Variants in CNTNAP2 observed in about 807,000 individuals in gnomAD.
CNTNAP2 encodes contactin associated protein 2.
A neutral mutation model predicts 155.2 loss-of-function variants in CNTNAP2; 98 were observed. The observed-to-expected ratio is 0.63, with a 90% CI of 0.54 to 0.75. The LOEUF (loss-of-function observed/expected upper bound fraction) is 0.75, where lower values mean the gene tolerates loss of function less well. CNTNAP2 is among the 30% of genes least tolerant of loss of function. The pLI, the probability that CNTNAP2 is intolerant of heterozygous loss-of-function variation, is 0.00. For synonymous variants in CNTNAP2, 651 were observed against 631.2 expected, an observed-to-expected ratio of 1.03 and a Z score of -0.47; for missense variants, 1,727 against 1,688.1, an observed-to-expected ratio of 1.02 and a Z score of -0.40.
At chr7:146,417,399 G>T (rs1417856597) in intron 1 of CNTNAP2, among the ~76,000 whole-genome samples, 1 of 152,092 alleles carries the variant, frequency 6.6e-6, no homozygotes, top group South Asian at 2.1e-4. Context: ...TCATAGATTT[G>T]CATGCTAAGT....
intron 4 of CNTNAP2, among the ~76,000 whole-genome samples, chr7:147,091,082 A>G (rs1800393729): frequency 6.6e-6 from 1 of 152,060 alleles, no homozygotes; most frequent in South Asian, 2.1e-4. Context: ...CTCATGACCC[A>G]AGAAGTATGT....
chr7:146,689,116 A>G (rs781558784), intron 1 of CNTNAP2, among the ~76,000 whole-genome samples: 48 of 152,238 alleles, frequency 3.2e-4, no homozygotes, highest in Admixed American at 1.4e-3. Context: ...ACAGTTATAT[A>G]TACTTTACTA....
chr7:148,058,328 C>T (rs1308833788), intron 15 of CNTNAP2, among the ~76,000 whole-genome samples: 2 of 152,164 alleles, frequency 1.3e-5, no homozygotes, highest in Non-Finnish European at 1.5e-5. Flanking sequence ...CCAGCAGCAT[C>T]TGTTTATGCC....
intron 9 of CNTNAP2, among the ~76,000 whole-genome samples, chr7:147,310,669 G>A (rs1367561576): frequency 1.3e-5 from 2 of 152,050 alleles, no homozygotes; most frequent in Non-Finnish European, 2.9e-5. Flanking sequence ...ATTTTATTGT[G>A]CTTTAACAAA....
intron 3 of CNTNAP2, among the ~76,000 whole-genome samples, chr7:147,008,708 A>G (rs1382724116): frequency 6.6e-6 from 1 of 152,130 alleles, no homozygotes; most frequent in Non-Finnish European, 1.5e-5. Flanking sequence ...AAAGAAAAGG[A>G]CTTTGAACCT....
intron 13 of CNTNAP2, among the ~76,000 whole-genome samples, chr7:147,857,458 A>G (rs950158169): frequency 1.3e-5 from 2 of 152,214 alleles, no homozygotes; most frequent in Non-Finnish European, 2.9e-5. Context: ...TGCACTTCTT[A>G]TAAAGCTAGT....
intron 11 of CNTNAP2, among the ~76,000 whole-genome samples, 185 bp downstream of exon 11, chr7:147,486,226 AT>A (rs1798509318): frequency 6.6e-6 from 1 of 152,200 alleles, no homozygotes; most frequent in African/African-American, 2.4e-5. Context: ...ACTTGTTAAA[AT>A]ATGTTCTCTG....
chr7:147,902,787 T>C, intron 13 of CNTNAP2, among the ~76,000 whole-genome samples: 1 of 132,486 alleles, frequency 7.5e-6, no homozygotes, highest in Non-Finnish European at 1.6e-5. Flanking sequence ...TTTGTGTGTG[T>C]GTGTGTGTGT....
At chr7:146,154,085 A>T (rs1379514321) in intron 1 of CNTNAP2, among the ~76,000 whole-genome samples, 1 of 152,136 alleles carries the variant, frequency 6.6e-6, no homozygotes, top group Admixed American at 6.6e-5. Context: ...TGAGTACAGT[A>T]CATTAGTTTA....
chr7:147,119,016 A>G (rs1235343636), intron 5 of CNTNAP2, among the ~76,000 whole-genome samples: 1 of 152,178 alleles, frequency 6.6e-6, no homozygotes, highest in Non-Finnish European at 1.5e-5. Flanking sequence ...TTTTAAAACA[A>G]GACCCAATAG....
At chr7:147,704,813 G>A (rs1796286737) in intron 13 of CNTNAP2, among the ~76,000 whole-genome samples, 1 of 152,098 alleles carries the variant, frequency 6.6e-6, no homozygotes, top group Non-Finnish European at 1.5e-5. Context: ...TTGATAGGTT[G>A]TGTCCAGAAT....
At chr7:146,384,787 C>T (rs1002149878) in intron 1 of CNTNAP2, among the ~76,000 whole-genome samples, 1 of 152,074 alleles carries the variant, frequency 6.6e-6, no homozygotes, top group Admixed American at 6.5e-5. Flanking sequence ...TGCCTTTTGT[C>T]TTCTGAAAGG....
chr7:147,294,515 A>G (rs2692187), intron 8 of CNTNAP2, among the ~76,000 whole-genome samples: 71,003 of 151,958 alleles, frequency 0.47, 17,230 homozygotes, highest in East Asian at 0.76. Flanking sequence ...TTAACAAAGG[A>G]CTGGCTAAGA....
At chr7:147,130,060 T>C (rs1296328562) in intron 7 of CNTNAP2, among the ~76,000 whole-genome samples, 1 of 152,078 alleles carries the variant, frequency 6.6e-6, no homozygotes, top group Non-Finnish European at 1.5e-5. Flanking sequence ...CGATTTAACA[T>C]GGAAAAAATA....
intron 21 of CNTNAP2, among the ~76,000 whole-genome samples, chr7:148,357,126 T>C (rs890950353): frequency 2.0e-5 from 3 of 152,138 alleles, no homozygotes; most frequent in Admixed American, 6.5e-5. Context: ...AATTCCCACA[T>C]GTCATGGGAG....
At chr7:146,120,677 A>T (rs1797548684) in intron 1 of CNTNAP2, among the ~76,000 whole-genome samples, 1 of 152,174 alleles carries the variant, frequency 6.6e-6, no homozygotes, top group Admixed American at 6.5e-5. Flanking sequence ...GAGCTGTCAT[A>T]TATAGGTGTG....
intron 18 of CNTNAP2, among the ~76,000 whole-genome samples, chr7:148,215,390 G>GT (rs1287314015): frequency 2.0e-5 from 3 of 152,046 alleles, no homozygotes; most frequent in South Asian, 2.1e-4. Context: ...TTGTAGAACC[G>GT]TTTTTTTGTG....
At chr7:147,388,421 G>A (rs552265215) in intron 9 of CNTNAP2, among the ~76,000 whole-genome samples, 22 of 152,264 alleles carry the variant, frequency 1.4e-4, no homozygotes, top group East Asian at 3.9e-4. Flanking sequence ...GACCCTGTAC[G>A]TAGGCTGTCT....
chr7:146,902,026 C>A (rs1471506536), intron 3 of CNTNAP2, among the ~76,000 whole-genome samples: 2 of 151,894 alleles, frequency 1.3e-5, no homozygotes, highest in Non-Finnish European at 2.9e-5. Flanking sequence ...CAGGCGCCTG[C>A]CACCTCGCCC....
Sources: gnomAD v4.1 joint callset for allele counts (sites outside exome capture counted in the v4.1 genomes callset) on GRCh38, gnomAD v4.1.1 for gene constraint, MANE v1.5 for transcripts, NCBI Gene and HGNC (gene_info 2026-07-23, HGNC 2026-07-21) for gene names.